The following RSRC1 variants were observed in gnomAD, a reference collection of about 807,000 sequenced individuals.
The protein encoded by RSRC1 is arginine and serine rich coiled-coil 1, also known as serine/Arginine-related protein 53.
Under a neutral mutation model 49.1 loss-of-function variants are expected in RSRC1, and 39 were observed. That is an observed-to-expected ratio of 0.79 (90% CI 0.61 to 1.04). The LOEUF (loss-of-function observed/expected upper bound fraction) is 1.04. Among genes scored for constraint, RSRC1 ranks in the 50% least tolerant of loss-of-function variants. RSRC1 has a pLI of 0.00. For synonymous variants in RSRC1, 143 were observed against 130.8 expected (o/e 1.09, Z -0.63); for missense variants, 388 against 402.4 (o/e 0.96, Z 0.31).
At chr3:158,242,308 T>G (rs558179993) in intron 4 of RSRC1, among the ~76,000 whole-genome samples, 1 of 152,020 alleles carries the variant, frequency 6.6e-6, no homozygotes, top group Non-Finnish European at 1.5e-5. Context: ...CGATATTTGG[T>G]TTTTTGTTCC....
intron 7 of RSRC1, among the ~76,000 whole-genome samples, chr3:158,500,825 T>G (rs1198694476): frequency 1.3e-5 from 2 of 152,074 alleles, no homozygotes; most frequent in Non-Finnish European, 2.9e-5. Flanking sequence ...TTTGTTTTGT[T>G]TATCTTTTGT....
intron 4 of RSRC1, among the ~76,000 whole-genome samples, chr3:158,246,362 C>T (rs537969656): frequency 1.3e-5 from 2 of 150,336 alleles, no homozygotes; most frequent in East Asian, 4.0e-4. Context: ...CAAACCTGCA[C>T]GTTGTGCACA....
At chr3:158,279,302 A>T (rs1386870352) in intron 4 of RSRC1, among the ~76,000 whole-genome samples, 1 of 152,268 alleles carries the variant, frequency 6.6e-6, no homozygotes, top group East Asian at 1.9e-4. Flanking sequence ...GAAATACACA[A>T]AAGAATGAGT....
chr3:158,359,589 G>A (rs1041241789), intron 6 of RSRC1, among the ~76,000 whole-genome samples: 10 of 152,106 alleles, frequency 6.6e-5, no homozygotes, highest in Non-Finnish European at 1.2e-4. Flanking sequence ...AGCTGGCACC[G>A]GGAACACGGT....
At chr3:158,389,382 G>A (rs1383763008) in intron 6 of RSRC1, among the ~76,000 whole-genome samples, 2 of 152,110 alleles carry the variant, frequency 1.3e-5, no homozygotes, top group East Asian at 3.8e-4. Context: ...TTCAATTGTG[G>A]ACAAAGCTGT....
rs180981444 is a variant in RSRC1 at position 158,416,686 on chromosome 3, A to C, written c.584-44249A>C. ...AGCTTCCCTGGCCAGCCCCTGTCCAAATGCAAATTTATAAGCAAACTTAAT... is the reference window on the plus strand; with the variant it reads ...AGCTTCCCTGGCCAGCCCCTGTCCACATGCAAATTTATAAGCAAACTTAAT... On this transcript the variant is annotated intron_variant, in intron 6 of 9. Coordinates refer to ENST00000611884, the MANE Select transcript of RSRC1 (RefSeq NM_001271838.2). Among the ~76,000 whole-genome samples the C allele has an allele frequency of 1.0e-3, 159 of 152,198 alleles. 4 individuals are homozygous for C. In the Middle Eastern group the frequency reaches 0.014, roughly 13 times the overall value.
chr3:158,424,190 A>G (rs1485799322), intron 6 of RSRC1, among the ~76,000 whole-genome samples: 1 of 152,124 alleles, frequency 6.6e-6, no homozygotes, highest in Non-Finnish European at 1.5e-5. Context: ...GTTTTTGCCC[A>G]TTCAGTATGA....
At chr3:158,158,416 T>G (rs192249917) in intron 3 of RSRC1, among the ~76,000 whole-genome samples, 1 of 152,330 alleles carries the variant, frequency 6.6e-6, no homozygotes, top group East Asian at 1.9e-4. Flanking sequence ...AGGGATATTA[T>G]AATTATATAT....
chr3:158,427,234 A>G (rs1735498131), intron 6 of RSRC1, among the ~76,000 whole-genome samples: 1 of 151,854 alleles, frequency 6.6e-6, no homozygotes, highest in Non-Finnish European at 1.5e-5. Context: ...ATCACCACCT[A>G]GATGAAAGCA....
Position 158,396,085 on chromosome 3 carries a change from C to G in RSRC1, c.583+41177C>G, listed in dbSNP as rs377190531. 1.6e-4 allele frequency among the ~76,000 whole-genome samples: 24 copies of G among 152,232 alleles called. 1 individual carries two copies. The South Asian group carries it at 4.6e-3, about 29-fold the overall frequency. The stretch of plus-strand genomic sequence containing the variant: ...TATCCTAAGCAAACAAATACAAGAA[C>G]AGAAAACCAAATGCTGCGTGTCCTC... On this transcript the variant is annotated intron_variant, in intron 6 of 9. Coordinates refer to ENST00000611884, the MANE Select transcript of RSRC1 (RefSeq NM_001271838.2).
At chr3:158,247,014 C>T (rs1275512042) in intron 4 of RSRC1, among the ~76,000 whole-genome samples, 5 of 151,898 alleles carry the variant, frequency 3.3e-5, no homozygotes, top group African/African-American at 1.2e-4. Flanking sequence ...TCAGGTACCC[C>T]AATCATTCAT....
chr3:158,356,883 A>G (rs371671536), intron 6 of RSRC1, among the ~76,000 whole-genome samples: 3 of 152,136 alleles, frequency 2.0e-5, no homozygotes, highest in Non-Finnish European at 4.4e-5. Flanking sequence ...ACATTAGAAA[A>G]TAGATGTGAT....
chr3:158,439,061 A>C (rs1430161145), intron 6 of RSRC1, among the ~76,000 whole-genome samples: 2 of 152,222 alleles, frequency 1.3e-5, no homozygotes, highest in East Asian at 3.9e-4. Flanking sequence ...ACACATGAAA[A>C]AATGCTCATC....
At chr3:158,147,205 T>A (rs1717193774) in intron 3 of RSRC1, among the ~76,000 whole-genome samples, 2 of 137,908 alleles carry the variant, frequency 1.5e-5, no homozygotes. Context: ...CTCTACCCGC[T>A]AAAAGGAAAT....
At chr3:158,505,876 T>C (rs1739837860) in intron 7 of RSRC1, among the ~76,000 whole-genome samples, 1 of 152,108 alleles carries the variant, frequency 6.6e-6, no homozygotes. Flanking sequence ...CTGAATGAAA[T>C]TTAACATGGC....
intron 7 of RSRC1, among the ~76,000 whole-genome samples, chr3:158,483,179 G>A (rs1738685659): frequency 6.6e-6 from 1 of 152,000 alleles, no homozygotes; most frequent in African/African-American, 2.4e-5. Context: ...ATGTTTGACT[G>A]TGATTACATT....
intron 6 of RSRC1, among the ~76,000 whole-genome samples, chr3:158,410,630 G>C (rs1385764315): frequency 6.6e-6 from 1 of 152,100 alleles, no homozygotes; most frequent in Non-Finnish European, 1.5e-5. Flanking sequence ...TGCTCAAAAA[G>C]TATCTAGCTA....
intron 1 of RSRC1, chr3:158,110,594 ACTAGCTC>A (rs1482810727): frequency 5.3e-5 from 8 of 152,110 alleles, no homozygotes; most frequent in African/African-American, 1.9e-4. Flanking sequence ...GCGCTTCCTC[ACTAGCTC>A]TAGGTAGGGT....
At chr3:158,387,616 A>G (rs1733036353) in intron 6 of RSRC1, among the ~76,000 whole-genome samples, 2 of 152,290 alleles carry the variant, frequency 1.3e-5, no homozygotes, top group South Asian at 4.1e-4. Context: ...TTTGTTAATA[A>G]TTTAAACTAC....
Sources: gnomAD v4.1 joint callset for allele counts (sites outside exome capture counted in the v4.1 genomes callset) on GRCh38, gnomAD v4.1.1 for gene constraint, MANE v1.5 for transcripts, NCBI Gene and HGNC (gene_info 2026-07-23, HGNC 2026-07-21) for gene names.